Variants in USH2A observed in about 807,000 individuals in gnomAD.
USH2A encodes Usher syndrome 2A (autosomal recessive, mild).
USH2A carries 443 observed loss-of-function variants against 538.9 expected under a neutral mutation model. The observed-to-expected ratio is 0.82, with a 90% CI of 0.76 to 0.89. USH2A has a LOEUF of 0.89. Among genes scored for constraint, USH2A ranks in the 40% least tolerant of loss-of-function variants. The pLI, the probability that USH2A is intolerant of heterozygous loss-of-function variation, is 0.00. For missense variants in USH2A, 6,633 were observed against 6,324.8 expected (o/e 1.05, Z -1.65); for synonymous variants, 2,413 against 2,273.5 (o/e 1.06, Z -1.75).
At chr1:216,147,584 C>T (rs1233655008) in intron 21 of USH2A, among the ~76,000 whole-genome samples, 3 of 151,820 alleles carry the variant, frequency 2.0e-5, no homozygotes, top group Non-Finnish European at 2.9e-5. Flanking sequence ...CATTTTATTA[C>T]CCAATCTGCT....
chr1:215,978,266 G>A (rs1667669096), intron 35 of USH2A, among the ~76,000 whole-genome samples: 1 of 152,104 alleles, frequency 6.6e-6, no homozygotes, highest in Non-Finnish European at 1.5e-5. Flanking sequence ...AGGAGGGAAT[G>A]GATTCTTAGA....
intron 2 of USH2A, among the ~76,000 whole-genome samples, chr1:216,420,570 T>C (rs966060140): frequency 5.3e-5 from 8 of 152,140 alleles, no homozygotes; most frequent in Non-Finnish European, 1.0e-4. Flanking sequence ...ACCCTGTAAA[T>C]ACTTCTCTGT....
chr1:215,647,683 G>C lies in USH2A; in HGVS notation c.14630C>G (p.Pro4877Arg), dbSNP rs200001509. The C allele has an allele frequency of 1.2e-6, 2 of 1,614,182 alleles. No homozygotes were observed. Among genetic ancestry groups the C allele is most frequent in the Admixed American group, 3.3e-5 (2 of 60,026 alleles). ...TGTTTCTATTTGGCTGGGAGTACAG[G>C]GGAGGGCTGAGTCAGGAGGGCAAGC... ...HVACPPDSAL[P>R]CTPSQIETKY... Residue 4877 changes from proline to arginine, a missense_variant, in exon 67 of 72, where the codon CCC becomes CGC. Physicochemically the swap from Pro to Arg is moderately radical, Grantham distance 103. Transcript: ENST00000307340.
intron 20 of USH2A, among the ~76,000 whole-genome samples, chr1:216,176,395 C>T (rs529059232): frequency 3.3e-5 from 5 of 151,974 alleles, no homozygotes; most frequent in African/African-American, 7.2e-5. Flanking sequence ...GCCACTACGC[C>T]CAGTAGACTT....
intron 41 of USH2A, 50 bp from the exon 42 acceptor site, chr1:215,879,148 C>A: frequency 6.5e-7 from 1 of 1,529,358 alleles, no homozygotes; most frequent in Non-Finnish European, 9.1e-7. Context: ...AGGAATAGAG[C>A]AATTGAAGTT....
chr1:216,070,768 C>G (rs994638300), intron 29 of USH2A, among the ~76,000 whole-genome samples: 1 of 140,182 alleles, frequency 7.1e-6, no homozygotes, highest in African/African-American at 2.7e-5. Context: ...ACCCATTTTC[C>G]AAATGCAATT....
chr1:215,642,543 C>G (rs1656720903), intron 67 of USH2A, among the ~76,000 whole-genome samples: 1 of 152,078 alleles, frequency 6.6e-6, no homozygotes, highest in Admixed American at 6.6e-5. Flanking sequence ...TAAATCCGGC[C>G]ACTACTAAAA....
At chr1:215,670,885 C>T in intron 64 of USH2A, 87 bp downstream of exon 64, 1 of 1,353,436 alleles carries the variant, frequency 7.4e-7, no homozygotes. Context: ...TCTTTAAGTG[C>T]CTTTTCAAAT....
chr1:215,781,869 C>T (rs1339313227), intron 54 of USH2A, among the ~76,000 whole-genome samples, 173 bp downstream of exon 54: 1 of 152,128 alleles, frequency 6.6e-6, no homozygotes, highest in Non-Finnish European at 1.5e-5. Flanking sequence ...AATGATCTCT[C>T]CTTCCAGCCA....
intron 35 of USH2A, among the ~76,000 whole-genome samples, chr1:215,977,905 C>T (rs1005737084): frequency 4.6e-5 from 7 of 152,148 alleles, no homozygotes; most frequent in African/African-American, 9.7e-5. Flanking sequence ...GCAAGTGAAT[C>T]GCTTGAGTCT....
intron 21 of USH2A, among the ~76,000 whole-genome samples, chr1:216,132,075 T>C (rs954899167): frequency 3.9e-5 from 6 of 152,178 alleles, no homozygotes; most frequent in South Asian, 4.1e-4. Flanking sequence ...ACAACCACTC[T>C]ACATACAACC....
At chr1:215,771,579 C>CAAAAAAAAAAAAAAAAAAAAAAAA (rs759067576) in intron 55 of USH2A, among the ~76,000 whole-genome samples, 2 of 43,988 alleles carry the variant, frequency 4.5e-5, no homozygotes, top group Admixed American at 3.9e-4. Context: ...GACTCCGTCT[C>CAAAAAAAAAAAAAAAAAAAAAAAA]AAAAAAAAAA....
intron 38 of USH2A, among the ~76,000 whole-genome samples, chr1:215,907,710 A>G (rs186879529): frequency 6.6e-6 from 1 of 152,026 alleles, no homozygotes; most frequent in Non-Finnish European, 1.5e-5. Flanking sequence ...TACCAGATTA[A>G]TTATTTTCTA....
chr1:216,250,778 TG>T (rs1385275717), intron 12 of USH2A, 124 bp downstream of exon 12: 13 of 964,018 alleles, frequency 1.3e-5, no homozygotes, highest in Non-Finnish European at 1.8e-5. Context: ...TCATCCAAAT[TG>T]TTTTTTTTTC....
chr1:215,746,179 T>C (rs1660464202), intron 58 of USH2A, among the ~76,000 whole-genome samples: 1 of 152,218 alleles, frequency 6.6e-6, no homozygotes, highest in Admixed American at 6.5e-5. Flanking sequence ...GGTTTCTTTA[T>C]GGGTACTCTG....
At position 216,389,736 on chromosome 1, in the gene USH2A, A is replaced by T. The variant is rs79491429; in HGVS notation, c.652-24651T>A. Among the ~76,000 whole-genome samples the T allele has an allele frequency of 3.2e-3, 489 of 152,290 alleles. 4 individuals are homozygous for T. The highest frequency in any genetic ancestry group is 0.011 in the African/African-American group (462 of 41,570). On this transcript the variant is annotated intron_variant, in intron 3 of 71. Coordinates refer to ENST00000307340, the MANE Select transcript of USH2A (RefSeq NM_206933.4). ...TTTCTTCAGTACAAATACCAATCAC[A>T]TCCTAATGAGGAAAGTATGCTATTT...
chr1:215,763,397 G>A (rs192334485), intron 56 of USH2A, among the ~76,000 whole-genome samples: 14 of 152,220 alleles, frequency 9.2e-5, no homozygotes, highest in Admixed American at 2.6e-4. Context: ...TTTCCAGAAG[G>A]GGAGATGCGT....
At chr1:216,418,800 T>C (rs2039623950) in intron 2 of USH2A, 121 bp from the exon 3 acceptor site, 6 of 942,200 alleles carry the variant, frequency 6.4e-6, no homozygotes, top group African/African-American at 1.6e-5. Flanking sequence ...TGGTGTACTA[T>C]GAATAAGTGC....
chr1:215,904,975 A>G (rs541596759), intron 38 of USH2A, among the ~76,000 whole-genome samples: 1 of 152,148 alleles, frequency 6.6e-6, no homozygotes, highest in Non-Finnish European at 1.5e-5. Context: ...CTATATGAAA[A>G]ACAAAAGAAA....
Sources: allele counts gnomAD v4.1 joint callset (sites outside exome capture counted in the v4.1 genomes callset), GRCh38; gene constraint gnomAD v4.1.1; transcripts MANE v1.5; gene names NCBI Gene and HGNC (gene_info 2026-07-23, HGNC 2026-07-21).